The following ZC3H12C variants were observed in gnomAD, a reference collection of about 807,000 sequenced individuals.
ZC3H12C encodes probable ribonuclease ZC3H12C.
In ZC3H12C, 20 loss-of-function variants were observed where a neutral mutation model predicts 76.3. That is an observed-to-expected ratio of 0.26 (90% CI 0.18 to 0.38). The LOEUF is 0.38. Ranked by LOEUF, ZC3H12C falls within the 10% of genes least tolerant of loss-of-function variation. The pLI is 1.00. For missense variants in ZC3H12C, 874 were observed against 1,086.5 expected (o/e 0.80, Z 2.75); for synonymous variants, 352 against 399.6 (o/e 0.88, Z 1.42).
chr11:110,164,521 C>A lies in ZC3H12C; in HGVS notation c.1436C>A (p.Thr479Asn). Reference protein sequence around the residue: ...SVPCSTKADSTSDVKRGAPKR... With the variant: ...SVPCSTKADSNSDVKRGAPKR... ...CCTTGTAGCACCAAGGCTGATAGCA[C>A]TTCTGATGTCAAACGAGGTGCTCCA... Residue 479 changes from threonine (T) to asparagine (N), a missense_variant, in exon 6 of 6, where the codon ACT (threonine) becomes AAT (asparagine). Coordinates refer to ENST00000278590, the MANE Select transcript of ZC3H12C (RefSeq NM_033390.2). The surrounding 1 kb of genome is among the most constrained non-coding windows in gnomAD (Gnocchi z 5.7). 6.2e-7 allele frequency: 1 copy of A among 1,614,000 alleles called. No homozygotes were observed. Among genetic ancestry groups the A allele is most frequent in the East Asian group, 2.2e-5 (1 of 44,882 alleles).
intron 1 of ZC3H12C, among the ~76,000 whole-genome samples, chr11:110,104,411 CT>C (rs1861281141): frequency 6.6e-6 from 1 of 152,152 alleles, no homozygotes; most frequent in South Asian, 2.1e-4. Flanking sequence ...GTCTTGTCTC[CT>C]TGATGTTAGC....
intron 1 of ZC3H12C, among the ~76,000 whole-genome samples, chr11:110,100,853 A>T (rs1041108055): frequency 6.6e-6 from 1 of 152,228 alleles, no homozygotes; most frequent in African/African-American, 2.4e-5. Flanking sequence ...AGTGAAAGGA[A>T]GATTCAGGTT....
At chr11:110,122,530 A>G (rs988034528) in intron 1 of ZC3H12C, among the ~76,000 whole-genome samples, 2 of 152,204 alleles carry the variant, frequency 1.3e-5, no homozygotes, top group African/African-American at 4.8e-5. Context: ...ATACATATAT[A>G]TACAAATGGT....
In ZC3H12C at chr11:110,145,597, TTGGG is replaced by T. The variant is rs900415472; in HGVS notation, c.774-7321_774-7318del. Among the ~76,000 whole-genome samples, 130 of 137,032 alleles carry T rather than the reference TTGGG, an allele frequency of 9.5e-4. 2 individuals are homozygous for T. Among genetic ancestry groups the T allele is most frequent in the African/African-American group, 3.4e-3 (123 of 36,546 alleles). The allele number at this position is 137,032 out of a possible 152,430, so 89.9% of individuals were successfully genotyped here. A position where few individuals can be genotyped will look rare whatever the true frequency, so the allele number is the denominator to read the frequency against. On this transcript the variant is annotated intron_variant, in intron 2 of 5. Transcript: ENST00000278590. ...TGAGCTCTACAACAAATTACAGAAA[TTGGG>T]GGCGGGGGGGAGTTGCAGTGACTCT...
chr11:110,143,034 A>T (rs1423270919), intron 2 of ZC3H12C, among the ~76,000 whole-genome samples: 1 of 152,204 alleles, frequency 6.6e-6, no homozygotes, highest in Non-Finnish European at 1.5e-5. Flanking sequence ...TGATTTTGGT[A>T]TATTGGAAAA....
chr11:110,165,287 T>C lies in ZC3H12C; in HGVS notation c.2202T>C (p.Ser734=). ...CCTCTCCTCCAAGTTCAGCACACTC[T>C]AAGGCACCACACCTAGGGAGGTCCT... ...DYPSPPSSAH[S]KAPHLGRSLV... is the part of the protein sequence containing the mutation. The change falls in exon 6 of 6, where the codon TCT becomes TCC. Residue 734 remains serine, a synonymous_variant. Transcript: ENST00000278590. The C allele has an allele frequency of 6.2e-7, 1 of 1,613,954 alleles. No individual in the cohort carries two copies. The highest frequency in any genetic ancestry group is 1.1e-5 in the South Asian group (1 of 91,070).
At chr11:110,106,488 A>T (rs1861330945) in intron 1 of ZC3H12C, among the ~76,000 whole-genome samples, 2 of 152,322 alleles carry the variant, frequency 1.3e-5, no homozygotes, top group South Asian at 2.1e-4. Flanking sequence ...CTTGGGGGTT[A>T]TGTATGTGAT....
chr11:110,130,917 T>G (rs1421624584), intron 1 of ZC3H12C: 1 of 1,044,102 alleles, frequency 9.6e-7, no homozygotes, highest in Non-Finnish European at 1.4e-6. Flanking sequence ...GCCAACTAAT[T>G]GTGAGCTTTC....
At chr11:110,114,380 T>G (rs974550916) in intron 1 of ZC3H12C, among the ~76,000 whole-genome samples, 1 of 152,224 alleles carries the variant, frequency 6.6e-6, no homozygotes, top group Non-Finnish European at 1.5e-5. Flanking sequence ...CTATGACATA[T>G]CCCTATATGC....
At chr11:110,100,908 A>G (rs180714956) in intron 1 of ZC3H12C, among the ~76,000 whole-genome samples, 12 of 152,336 alleles carry the variant, frequency 7.9e-5, no homozygotes, top group African/African-American at 2.9e-4. Flanking sequence ...GCTTGGGGAG[A>G]AAGGCATGTG....
chr11:110,138,771 C>T (rs1327994978), intron 2 of ZC3H12C, among the ~76,000 whole-genome samples: 1 of 152,100 alleles, frequency 6.6e-6, no homozygotes, highest in African/African-American at 2.4e-5. Flanking sequence ...GTTGGCCAGG[C>T]TGGTTTCAAA....
chr11:110,107,022 T>A (rs1861342355), intron 1 of ZC3H12C, among the ~76,000 whole-genome samples: 1 of 152,244 alleles, frequency 6.6e-6, no homozygotes. Flanking sequence ...AGGTATCTCC[T>A]GCTTATATAC....
chr11:110,148,728 A>G (rs1862214547), intron 2 of ZC3H12C, among the ~76,000 whole-genome samples: 1 of 152,266 alleles, frequency 6.6e-6, no homozygotes, highest in Non-Finnish European at 1.5e-5. Flanking sequence ...TTTGTTACTG[A>G]GCAGAAAACC....
chr11:110,096,111 A>G (rs1861107669), intron 1 of ZC3H12C, among the ~76,000 whole-genome samples: 1 of 152,228 alleles, frequency 6.6e-6, no homozygotes, highest in Non-Finnish European at 1.5e-5. Context: ...AAGATTCAAC[A>G]AAACACATGT....
intron 2 of ZC3H12C, among the ~76,000 whole-genome samples, chr11:110,146,050 G>A (rs1862161992): frequency 6.6e-6 from 1 of 152,236 alleles, no homozygotes; most frequent in Non-Finnish European, 1.5e-5. Flanking sequence ...GCTGTGGCGC[G>A]ATCTCGGCTC....
In ZC3H12C at chr11:110,169,336, C is replaced by CTGGG. The variant is rs1490965315; in HGVS notation, c.*3602_*3605dup. On this transcript the variant is annotated 3_prime_UTR_variant, in exon 6 of 6. Transcript: ENST00000278590. ...GTTTGTGACAGGTGGGAGGATGGCT[C>CTGGG]TGGGTGTGTGTGTGTGTGTGTGTGT... is the stretch of plus-strand genomic sequence containing the variant. The CTGGG allele has an allele frequency of 1.0e-5, 1 of 99,600 alleles. No individual in the cohort carries two copies. Among genetic ancestry groups the CTGGG allele is most frequent in the Non-Finnish European group, 2.0e-5 (1 of 50,124 alleles). 6.2% of individuals were successfully genotyped at this position (99,600 alleles called of 1,614,324 possible).
chr11:110,123,148 G>A (rs1555018287), intron 1 of ZC3H12C, among the ~76,000 whole-genome samples: 1 of 152,222 alleles, frequency 6.6e-6, no homozygotes, highest in Non-Finnish European at 1.5e-5. Flanking sequence ...AAAGTGAAAT[G>A]TAGATAAGGG....
chr11:110,112,277 C>G (rs1010669893), intron 1 of ZC3H12C, among the ~76,000 whole-genome samples: 3 of 152,164 alleles, frequency 2.0e-5, no homozygotes, highest in African/African-American at 7.2e-5. Flanking sequence ...TGGCTCACTG[C>G]AGCCTTGACT....
At chr11:110,112,895 T>C (rs1026575596) in intron 1 of ZC3H12C, among the ~76,000 whole-genome samples, 7 of 152,188 alleles carry the variant, frequency 4.6e-5, no homozygotes, top group African/African-American at 1.7e-4. Flanking sequence ...GTTGTTCTAA[T>C]TGATTCATTA....
Sources: gnomAD v4.1 joint callset for allele counts (sites outside exome capture counted in the v4.1 genomes callset) on GRCh38, gnomAD v4.1.1 for gene constraint, Gnocchi (gnomAD v3.1) non-coding constraint, MANE v1.5 for transcripts, NCBI Gene and HGNC (gene_info 2026-07-23, HGNC 2026-07-21) for gene names.